The following IGFN1 variants were observed in gnomAD, a reference collection of about 807,000 sequenced individuals.
IGFN1 encodes the protein immunoglobulin like and fibronectin type III domain containing 1, also known as immunoglobulin-like and fibronectin type III domain-containing protein 1.
In IGFN1, 253 loss-of-function variants were observed where a neutral mutation model predicts 289.5. That is an observed-to-expected ratio of 0.87 (90% CI 0.79 to 0.97). The LOEUF (loss-of-function observed/expected upper bound fraction) is 0.97. Among genes scored for constraint, IGFN1 ranks in the 50% least tolerant of loss-of-function variants. The pLI is 0.00. For missense variants in IGFN1, 4,470 were observed against 4,686.1 expected, an observed-to-expected ratio of 0.95 and a Z score of 1.35; for synonymous variants, 1,706 against 1,788.5, an observed-to-expected ratio of 0.95 and a Z score of 1.16.
At chr1:201,197,376 C>A in intron 5 of IGFN1, 59 bp downstream of exon 5, 1 of 1,080,290 alleles carries the variant, frequency 9.3e-7, no homozygotes, top group South Asian at 1.3e-5. Flanking sequence ...ACAGAGGAAT[C>A]AGATGCCCCG....
At chr1:201,204,036 A>T in intron 10 of IGFN1, 130 bp downstream of exon 10, 1 of 857,130 alleles carries the variant, frequency 1.2e-6, no homozygotes, top group Non-Finnish European at 1.8e-6. Flanking sequence ...TGGGAGAGGG[A>T]CACATACCTA....
Position 201,212,195 on chromosome 1 carries a change from TG to T in IGFN1, c.7304del (p.Gly2435AlafsTer77). 6.5e-7 allele frequency: 1 copy of T among 1,534,864 alleles called. No individual in the cohort carries two copies. Among genetic ancestry groups the T allele is most frequent in the Non-Finnish European group, 8.7e-7 (1 of 1,146,046 alleles). ...GMAGMPGTAG[G>X]MAHRDSLRGT... The stretch of plus-strand genomic sequence containing the variant: ...TGGCTGGAATGCCAGGCACTGCAGG[TG>T]GCATGGCACACAGAGACAGCCTCAG... On this transcript the variant is annotated frameshift_variant, in exon 12 of 24. Coordinates refer to ENST00000335211, the MANE Select transcript of IGFN1 (RefSeq NM_001164586.2). LOFTEE classifies it high-confidence loss of function.
At position 201,213,080 on chromosome 1, in the gene IGFN1, TG is replaced by T. The variant is rs1667908386; in HGVS notation, c.8191del (p.Glu2731SerfsTer11). 1 of 1,551,540 alleles carries T rather than the reference TG, an allele frequency of 6.4e-7. No individual in the cohort carries two copies. The highest frequency in any genetic ancestry group is 1.4e-5 in the African/African-American group (1 of 73,132). On this transcript the variant is annotated frameshift_variant, in exon 12 of 24. Coordinates refer to ENST00000335211, the MANE Select transcript of IGFN1 (RefSeq NM_001164586.2). LOFTEE classifies it high-confidence loss of function. ...EWGNALTPKP[G>X]ESGPQGAWNG... ...GGGGGAATGCCCTCACCCCAAAACC[TG>T]GGGAGTCCGGACCTCAGGGAGCCTG...
chr1:201,224,598 C>A, intron 20 of IGFN1, 81 bp from the exon 21 acceptor site: 1 of 1,201,896 alleles, frequency 8.3e-7, no homozygotes, highest in Non-Finnish European at 1.2e-6. Context: ...CCGCTTCTAC[C>A]TTTGGCCTAG....
At chr1:201,228,061 C>A (rs1379629574) in intron 23 of IGFN1, among the ~76,000 whole-genome samples, 1 of 152,214 alleles carries the variant, frequency 6.6e-6, no homozygotes, top group South Asian at 2.1e-4. Flanking sequence ...GGAAAAACGG[C>A]CCCTTTGCAC....
chr1:201,216,055 C>A, intron 15 of IGFN1: 1 of 719,984 alleles, frequency 1.4e-6, no homozygotes, highest in Non-Finnish European at 2.6e-6. Context: ...GGGGGAGGAG[C>A]CGGTTATGCT....
chr1:201,191,988 G>C (rs1666678852), intron 1 of IGFN1, among the ~76,000 whole-genome samples: 1 of 152,068 alleles, frequency 6.6e-6, no homozygotes, highest in Admixed American at 6.5e-5. Context: ...CTGAGGGGTG[G>C]GTGGGATGGG....
In IGFN1 at chr1:201,210,937, G is replaced by T. The variant is rs1667733603; in HGVS notation, c.6044G>T (p.Gly2015Val). Residue 2015 changes from glycine (G) to valine (V), a missense_variant, in exon 12 of 24, where the codon GGT becomes GTT. Physicochemically the swap from Gly to Val is moderately radical, Grantham distance 109 (BLOSUM62 -3). This residue lies in a region of IGFN1 where 108 missense variants were observed against 128.7 expected (regional missense o/e 0.84). Coordinates refer to ENST00000335211, the MANE Select transcript of IGFN1 (RefSeq NM_001164586.2). ...GGAATAGGTTCAGGGAGTAAGGCAG[G>T]TTTCAGGGATGGTTTAGGGGGTTCT... ...PEGIGSGSKA[G>V]FRDGLGGSEE... is the part of the protein sequence containing the mutation. 2 of 824,836 alleles carry T rather than the reference G, an allele frequency of 2.4e-6. No individual in the cohort carries two copies. Among genetic ancestry groups the T allele is most frequent in the African/African-American group, 3.3e-5 (2 of 60,050 alleles). 51.1% of individuals were successfully genotyped at this position (824,836 alleles called of 1,614,324 possible). A position where few individuals can be genotyped will look rare whatever the true frequency, so the allele number is the denominator to read the frequency against.
chr1:201,207,146 C>A lies in IGFN1; in HGVS notation c.2253C>A (p.Asp751Glu). Residue 751 changes from aspartate (D) to glutamate (E), a missense_variant, in exon 12 of 24, where the codon GAC becomes GAA. This residue lies in a region of IGFN1 where 2,011 missense variants were observed against 1,953.4 expected (regional missense o/e 1.03). Transcript: ENST00000335211. ...GGAGTCCTGAGATCAAAGCTGAAGA[C>A]TCACTGCAGGAGGCAGATGGTATAT... Reference protein sequence around the residue: ...GDGSPEIKAEDSLQEADGICR... With the variant: ...GDGSPEIKAEESLQEADGICR... 1 of 1,537,030 alleles carries A rather than the reference C, an allele frequency of 6.5e-7. No individual in the cohort carries two copies. Among genetic ancestry groups the A allele is most frequent in the Non-Finnish European group, 8.7e-7 (1 of 1,146,870 alleles).
At position 201,208,695 on chromosome 1, in the gene IGFN1, C is replaced by A; in HGVS notation, c.3802C>A (p.Pro1268Thr). 6.5e-7 allele frequency: 1 copy of A among 1,536,762 alleles called. No individual in the cohort carries two copies. Among genetic ancestry groups the A allele is most frequent in the Non-Finnish European group, 8.7e-7 (1 of 1,146,746 alleles). Residue 1268 changes from proline (P) to threonine (T), a missense_variant, in exon 12 of 24, where the codon CCA (proline) becomes ACA (threonine). This residue lies in a region of IGFN1 where 2,011 missense variants were observed against 1,953.4 expected (regional missense o/e 1.03). Transcript: ENST00000335211. ...GLQGMGSADG[P>T]GCRKGIGSSG... ...CCAAGGAATGGGATCAGCAGATGGG[C>A]CAGGTTGTAGGAAGGGTATTGGGAG...
Position 201,214,183 on chromosome 1 carries a change from T to A in IGFN1, c.8735T>A (p.Met2912Lys), listed in dbSNP as rs1418438795. 6.2e-7 allele frequency: 1 copy of A among 1,612,064 alleles called. No homozygotes were observed. Among genetic ancestry groups the A allele is most frequent in the Non-Finnish European group, 8.5e-7 (1 of 1,179,120 alleles). Residue 2912 changes from methionine (M) to lysine (K), a missense_variant, in exon 13 of 24, where the codon ATG becomes AAG. Physicochemically the swap from Met to Lys is moderately conservative, Grantham distance 95. Around this residue, in one of 8 missense-constraint regions of IGFN1, gnomAD observed 2,218 missense variants for 2,114.1 expected, o/e 1.05. Transcript: ENST00000335211. ...GSFSKDAQGP[M>K]GHFSQGLADM... is the part of the protein sequence containing the mutation. Reference sequence around the variant, plus strand: ...TCCCTCTGTGTCTCTCCAGGCCCCATGGGCCACTTCTCCCAGGGCCTGGCT... The same window carrying A: ...TCCCTCTGTGTCTCTCCAGGCCCCAAGGGCCACTTCTCCCAGGGCCTGGCT...
rs11808854 is a variant in IGFN1, at chr1:201,227,736, C to T, written c.11113+528C>T. Among the ~76,000 whole-genome samples the T allele has an allele frequency of 9.2e-3, 1,395 of 152,222 alleles. 27 individuals are homozygous for T. The highest frequency in any genetic ancestry group is 0.032 in the African/African-American group (1,319 of 41,522). The stretch of plus-strand genomic sequence containing the variant: ...TGAGCCACTGTGCCCGGCAGATTTG[C>T]CCACTTTTAAAATGAGGTATTTGAA... On this transcript the variant is annotated intron_variant, in intron 23 of 23. Transcript: ENST00000335211.
At chr1:201,225,793 A>G (rs1047069325) in intron 21 of IGFN1, 31 bp from the exon 22 acceptor site, 2 of 1,583,024 alleles carry the variant, frequency 1.3e-6, no homozygotes, top group East Asian at 2.3e-5. Flanking sequence ...GGTCCCCTCC[A>G]CGTGACCTCC....
At position 201,217,479 on chromosome 1, in the gene IGFN1, T is replaced by C. The variant is rs776339796; in HGVS notation, c.9769+19T>C. ...GTGCCTGGTGAGCATTGTCCTGGCT[T>C]CCAGAGCTTCCTTAGACCCCTCCTG... On this transcript the variant is annotated intron_variant, in intron 17 of 23. Coordinates refer to ENST00000335211, the MANE Select transcript of IGFN1 (RefSeq NM_001164586.2). 21 of 1,613,056 alleles carry C rather than the reference T, an allele frequency of 1.3e-5. No individual in the cohort carries two copies. Among genetic ancestry groups the C allele is most frequent in the Non-Finnish European group, 4.2e-6 (5 of 1,179,364 alleles).
rs201161521 is a variant in IGFN1 at position 201,200,364 on chromosome 1, C to A, written c.586C>A (p.Arg196Ser). 4 of 1,551,764 alleles carry A rather than the reference C, an allele frequency of 2.6e-6. No homozygotes were observed. In the Admixed American group the frequency reaches 7.8e-5, roughly 30 times the overall value. ...YGIVDYRGML[R>S]RLQEMKKEQE... ...CATCGTCGACTACCGTGGCATGTTG[C>A]GCAGGCTGCAGGAGATGAAGAAGGA... The change falls in exon 8 of 24, where the codon CGC becomes AGC. Residue 196 changes from arginine (R) to serine (S), a missense_variant. By Grantham distance (110) the Arg-to-Ser change is moderately radical. Transcript: ENST00000335211.
intron 15 of IGFN1, 87 bp from the exon 16 acceptor site, chr1:201,216,367 G>A: frequency 9.7e-7 from 1 of 1,031,800 alleles, no homozygotes; most frequent in Non-Finnish European, 1.3e-6. Context: ...GGGGGAGTCG[G>A]GGTGGCGGGG....
chr1:201,195,312 T>C, intron 3 of IGFN1, among the ~76,000 whole-genome samples: 1 of 152,132 alleles, frequency 6.6e-6, no homozygotes, highest in African/African-American at 2.4e-5. Flanking sequence ...CCACCAAGCC[T>C]GGCTACTTTT....
chr1:201,202,899 G>A (rs1667229755), intron 9 of IGFN1, among the ~76,000 whole-genome samples: 1 of 151,806 alleles, frequency 6.6e-6, no homozygotes, highest in Admixed American at 6.6e-5. Context: ...GGGATTACAG[G>A]TGTTTGCCAC....
chr1:201,208,191 G>C lies in IGFN1; in HGVS notation c.3298G>C (p.Val1100Leu). 6.5e-7 allele frequency: 1 copy of C among 1,537,012 alleles called. No homozygotes were observed. The highest frequency in any genetic ancestry group is 2.4e-5 in the East Asian group (1 of 40,906). The change falls in exon 12 of 24, where the codon GTT becomes CTT. Residue 1100 changes from valine to leucine, a missense_variant. Val to Leu is a conservative substitution (Grantham distance 32, BLOSUM62 1). Transcript: ENST00000335211. ...CAAGGCCCCTGGAGTAGTGGAGACT[G>C]TTGGGATGGGATGTGTGGAAGCAGA... The part of the protein sequence containing the change: ...GLKAPGVVET[V>L]GMGCVEAEPE...
Sources: gnomAD v4.1 joint callset for allele counts (sites outside exome capture counted in the v4.1 genomes callset) on GRCh38, gnomAD v4.1.1 for gene constraint, gnomAD v4.1.1 regional missense constraint, MANE v1.5 for transcripts, NCBI Gene and HGNC (gene_info 2026-07-23, HGNC 2026-07-21) for gene names.